AARS2: variants seen among roughly 807,000 people sequenced by gnomAD.
AARS2 encodes alanyl-tRNA synthetase 2, mitochondrial.
A neutral mutation model predicts 119.7 loss-of-function variants in AARS2; 78 were observed. The ratio of observed to expected loss-of-function variants is 0.65; its 90% CI spans 0.54 to 0.79. AARS2 has a LOEUF of 0.79. Among genes scored for constraint, AARS2 ranks in the 30% least tolerant of loss-of-function variants. AARS2 has a pLI of 0.00. For missense variants in AARS2, 1,157 were observed against 1,291.3 expected (o/e 0.90, Z 1.59); for synonymous variants, 502 against 526.3 (o/e 0.95, Z 0.63).
At chr6:44,311,947 T>C (rs1340340305) in intron 2 of AARS2, 125 bp downstream of exon 2, 2 of 1,189,482 alleles carry the variant, frequency 1.7e-6, no homozygotes, top group African/African-American at 3.0e-5. Flanking sequence ...GTAATTCCTG[T>C]TACACCGGCT....
Position 44,300,627 on chromosome 6 carries a change from C to T in AARS2, c.2878G>A (p.Val960Met). The part of the protein sequence containing the change: ...MGGKAWGSRV[V>M]AQGTGSTTDL... ...GTAGTGCTTCCGGTGCCTTGGGCCA[C>T]CACTCGTGAGCCCCACGCCTTGCCC... Residue 960 changes from valine (V) to methionine (M), a missense_variant, in exon 22 of 22, where the codon GTG becomes ATG. By Grantham distance (21) the Val-to-Met change is conservative. Transcript: ENST00000244571. The T allele has an allele frequency of 6.2e-7, 1 of 1,614,024 alleles. No individual in the cohort carries two copies. Among genetic ancestry groups the T allele is most frequent in the Non-Finnish European group, 8.5e-7 (1 of 1,180,034 alleles).
chr6:44,313,076 C>G lies in AARS2; in HGVS notation c.243+5G>C, dbSNP rs1786513664. On this transcript the variant is annotated splice_donor_5th_base_variant and intron_variant, in intron 1 of 21. Transcript: ENST00000244571. ...CGCTCCCTATCAGTATGGTTCGGCC[C>G]TCACCTGGTTCATGCCCGCATTGAC... The G allele has an allele frequency of 6.2e-7, 1 of 1,613,186 alleles. No homozygotes were observed. Among genetic ancestry groups the G allele is most frequent in the Non-Finnish European group, 8.5e-7 (1 of 1,179,950 alleles).
chr6:44,313,141 G>T lies in AARS2; in HGVS notation c.183C>A (p.Ser61=). The change falls in exon 1 of 22, where the codon TCC becomes TCA. Residue 61 remains serine, a synonymous_variant. Transcript: ENST00000244571. ...GGTCGCCGCGGGGCCGCACGGAAGC[G>T]GAGGGCACCAGCCGGTGGCCATGGC... is the stretch of plus-strand genomic sequence containing the variant. The part of the protein sequence containing the change: ...RDRHGHRLVP[S]ASVRPRGDPS... 1 of 1,611,850 alleles carries T rather than the reference G, an allele frequency of 6.2e-7. No individual in the cohort carries two copies. Among genetic ancestry groups the T allele is most frequent in the South Asian group, 1.1e-5 (1 of 90,948 alleles).
In AARS2 at chr6:44,302,173, A is replaced by G. The variant is rs775843795; in HGVS notation, c.2488-3T>C. 1.2e-6 allele frequency: 2 copies of G among 1,613,996 alleles called. No homozygotes were observed. Among genetic ancestry groups the G allele is most frequent in the Non-Finnish European group, 1.7e-6 (2 of 1,180,002 alleles). On this transcript the variant is annotated splice_polypyrimidine_tract_variant and splice_region_variant and intron_variant, in intron 18 of 21. Coordinates refer to ENST00000244571, the MANE Select transcript of AARS2 (RefSeq NM_020745.4). ...GGCATCACAGCAGTTTCCACAGCCT[A>G]TGGCCAGAAGCAGTACATCACCCCT... is the stretch of plus-strand genomic sequence containing the variant.
rs771462267 is a variant in AARS2, at chr6:44,313,280, G to C, written c.44C>G (p.Ala15Gly). 5 of 1,595,738 alleles carry C rather than the reference G, an allele frequency of 3.1e-6. No individual in the cohort carries two copies. In the African/African-American group the frequency reaches 6.7e-5, roughly 21 times the overall value. The stretch of plus-strand genomic sequence containing the variant: ...CCGCCATGCGGGCGACCTTCGAATG[G>C]CCCGCCGCAGCCTCCGGGCTGCAGC... Reference protein sequence around the residue: ...VAAAARRLRRAIRRSPAWRGL... With the variant: ...VAAAARRLRRGIRRSPAWRGL... The change falls in exon 1 of 22, where the codon GCC becomes GGC. Residue 15 changes from alanine to glycine, a missense_variant. By Grantham distance (60) the Ala-to-Gly change is moderately conservative. Transcript: ENST00000244571.
At chr6:44,304,612 C>A (rs1490717082) in intron 12 of AARS2, 33 bp downstream of exon 12, 1 of 1,614,180 alleles carries the variant, frequency 6.2e-7, no homozygotes, top group Non-Finnish European at 8.5e-7. Flanking sequence ...CTGCCGCCCA[C>A]AGAAATCAGC....
At position 44,307,344 on chromosome 6, in the gene AARS2, C is replaced by T; in HGVS notation, c.945G>A (p.Gly315=). The change falls in exon 6 of 22, where the codon GGG becomes GGA. Residue 315 remains glycine, a synonymous_variant. Transcript: ENST00000244571. The surrounding 1 kb of genome is among the most constrained non-coding windows in gnomAD (Gnocchi z 4.4). ...CCACGCGGTACGCTGTGTCTGTGCGCCCCTCGTCTGCCACCCCTACTCGGC... is the reference window on the plus strand; with the variant it reads ...CCACGCGGTACGCTGTGTCTGTGCGTCCCTCGTCTGCCACCCCTACTCGGC... The part of the protein sequence containing the change: ...YLGRVGVADE[G]RTDTAYRVVA... 1 of 1,611,860 alleles carries T rather than the reference C, an allele frequency of 6.2e-7. No individual in the cohort carries two copies. The highest frequency in any genetic ancestry group is 1.1e-5 in the South Asian group (1 of 90,570).
At chr6:44,302,723 CCT>C (rs1475714634) in intron 17 of AARS2, 77 bp downstream of exon 17, 6 of 1,492,298 alleles carry the variant, frequency 4.0e-6, no homozygotes, top group East Asian at 2.4e-5. Flanking sequence ...GCTGGGCACC[CCT>C]GAGCCTGAGC....
chr6:44,304,420 C>T lies in AARS2; in HGVS notation c.1866G>A (p.Glu622=), dbSNP rs1453910409. 1 of 1,614,176 alleles carries T rather than the reference C, an allele frequency of 6.2e-7. No individual in the cohort carries two copies. The highest frequency in any genetic ancestry group is 2.2e-5 in the East Asian group (1 of 44,884). Residue 622 remains glutamate (E), a splice_region_variant and synonymous_variant, in exon 13 of 22, where the codon GAG becomes GAA. Coordinates refer to ENST00000244571, the MANE Select transcript of AARS2 (RefSeq NM_020745.4). ...LGDQVQLHVD[E]AWRLGCMAKH... is the part of the protein sequence containing the mutation. ...GGGAACAGTTAGGGAGGATCCTTAC[C>T]TCATCCACATGCAGCTGCACCTGGT...
At chr6:44,308,234 AG>A (rs1786031074) in intron 5 of AARS2, among the ~76,000 whole-genome samples, 1 of 152,178 alleles carries the variant, frequency 6.6e-6, no homozygotes, top group African/African-American at 2.4e-5. Flanking sequence ...CAACAGGAGT[AG>A]CCTTTTAAAA....
In AARS2 at chr6:44,300,710, C is replaced by A. The variant is rs1785281335; in HGVS notation, c.2795G>T (p.Gly932Val). ...CTCTGCTGTGAAGGTGGGCATGGCA[C>A]CCTAGGAACAGAATCAGAAGAGGAA... The part of the protein sequence containing the change: ...KVLCACQVAQ[G>V]AMPTFTAEAW... Residue 932 changes from glycine to valine, a missense_variant and splice_region_variant, in exon 22 of 22, where the codon GGT becomes GTT. Coordinates refer to ENST00000244571, the MANE Select transcript of AARS2 (RefSeq NM_020745.4). 1 of 1,612,202 alleles carries A rather than the reference C, an allele frequency of 6.2e-7. No homozygotes were observed. Among genetic ancestry groups the A allele is most frequent in the Non-Finnish European group, 8.5e-7 (1 of 1,180,014 alleles).
intron 19 of AARS2, 29 bp from the exon 20 acceptor site, chr6:44,301,493 G>A (rs773830429): frequency 6.3e-7 from 1 of 1,594,242 alleles, no homozygotes; most frequent in Non-Finnish European, 8.6e-7. Context: ...AAGCAGAGGG[G>A]TCAGGCTGAG....
chr6:44,311,097 C>G lies in AARS2; in HGVS notation c.646G>C (p.Gly216Arg). 3.7e-6 allele frequency: 6 copies of G among 1,614,086 alleles called. No homozygotes were observed. The highest frequency in any genetic ancestry group is 5.1e-6 in the Non-Finnish European group (6 of 1,180,044). Residue 216 changes from glycine to arginine, a missense_variant, in exon 4 of 22, where the codon GGC becomes CGC. Gly to Arg is a moderately radical substitution (Grantham distance 125). Coordinates refer to ENST00000244571, the MANE Select transcript of AARS2 (RefSeq NM_020745.4). Reference protein sequence around the residue: ...QENFWEMGDTGPCGPCTEIHY... With the variant: ...QENFWEMGDTRPCGPCTEIHY... ...ATCTCAGTACAGGGCCCACAAGGGC[C>G]AGTATCCCCCATCTCCCAGAAGTTC...
chr6:44,302,369 G>A (rs1303296666), intron 18 of AARS2, 22 bp downstream of exon 18: 2 of 1,614,012 alleles, frequency 1.2e-6, no homozygotes, highest in Admixed American at 1.7e-5. Context: ...GGAGAGGGTG[G>A]GGTGGTAGGC....
Position 44,307,203 on chromosome 6 carries a change from A to G in AARS2, c.1040+46T>C. On this transcript the variant is annotated intron_variant, in intron 6 of 21. Transcript: ENST00000244571. The surrounding 1 kb of genome is among the most constrained non-coding windows in gnomAD (Gnocchi z 4.4). ...TCCTGTTCCCTCCCTCCTCCACCTG[A>G]GACCCCCAGCAGCCCCTGTCCTCTC... is the stretch of plus-strand genomic sequence containing the variant. The G allele has an allele frequency of 1.2e-6, 2 of 1,613,052 alleles. No individual in the cohort carries two copies. Among genetic ancestry groups the G allele is most frequent in the South Asian group, 2.2e-5 (2 of 90,980 alleles).
At chr6:44,304,583 CT>C in intron 12 of AARS2, 50 bp from the exon 13 acceptor site, 3 of 1,614,132 alleles carry the variant, frequency 1.9e-6, no homozygotes, top group Non-Finnish European at 2.5e-6. Context: ...CTCCCCTTGG[CT>C]CCCACTCAGG....
intron 12 of AARS2, 26 bp from the exon 13 acceptor site, chr6:44,304,559 C>G: frequency 6.2e-7 from 1 of 1,614,032 alleles, no homozygotes; most frequent in Non-Finnish European, 8.5e-7. Flanking sequence ...GGTCAAGGTG[C>G]CTGTAGCCTT....
intron 2 of AARS2, 22 bp from the exon 3 acceptor site, chr6:44,311,557 G>C (rs751965856): frequency 1.2e-6 from 2 of 1,609,114 alleles, no homozygotes; most frequent in South Asian, 1.1e-5. Context: ...ACCAGCATGG[G>C]GTGGGGGGGG....
chr6:44,311,472 G>A lies in AARS2; in HGVS notation c.499C>T (p.Leu167Phe), dbSNP rs781781060. 3 of 1,614,100 alleles carry A rather than the reference G, an allele frequency of 1.9e-6. No homozygotes were observed. In the Admixed American group the frequency reaches 5.0e-5, roughly 27 times the overall value. Residue 167 changes from leucine to phenylalanine, a missense_variant, in exon 3 of 22, where the codon CTC (leucine) becomes TTC (phenylalanine). Coordinates refer to ENST00000244571, the MANE Select transcript of AARS2 (RefSeq NM_020745.4). ...TCACCATCAAAGTAGGAGATCCAGAGCCTTTCCTCAGGGATCCCATAGACC... is the reference window on the plus strand; with the variant it reads ...TCACCATCAAAGTAGGAGATCCAGAACCTTTCCTCAGGGATCCCATAGACC... ...TQVYGIPEER[L>F]WISYFDGDPK...
Sources: allele counts gnomAD v4.1 joint callset (sites outside exome capture counted in the v4.1 genomes callset), GRCh38; gene constraint gnomAD v4.1.1; non-coding constraint Gnocchi (gnomAD v3.1); transcripts MANE v1.5; gene names NCBI Gene and HGNC (gene_info 2026-07-23, HGNC 2026-07-21).